Variants in PDE8B observed in about 807,000 individuals in gnomAD.
PDE8B encodes the protein phosphodiesterase 8B, also known as high affinity cAMP-specific and IBMX-insensitive 3',5'-cyclic phosphodiesterase 8B.
A neutral mutation model predicts 101.3 loss-of-function variants in PDE8B; 26 were observed. The ratio of observed to expected loss-of-function variants is 0.26; its 90% CI spans 0.19 to 0.36. The LOEUF (loss-of-function observed/expected upper bound fraction) is 0.36, where lower values mean the gene tolerates loss of function less well. Ranked by LOEUF, PDE8B falls within the 10% of genes least tolerant of loss-of-function variation. PDE8B has a pLI of 1.00. For missense variants in PDE8B, 810 were observed against 1,163.1 expected (o/e 0.70, Z 4.42); for synonymous variants, 424 against 429.3 (o/e 0.99, Z 0.15).
chr5:77,424,161 A>G (rs1194402392), intron 20 of PDE8B, among the ~76,000 whole-genome samples: 2 of 152,168 alleles, frequency 1.3e-5, no homozygotes, highest in East Asian at 3.9e-4. Context: ...TGCTTGATCG[A>G]CTGACCTGAA....
chr5:77,133,033 C>G, the PDE8B span, among the ~76,000 whole-genome samples: 1 of 152,170 alleles, frequency 6.6e-6, no homozygotes, highest in African/African-American at 2.4e-5. Flanking sequence ...ATGACTTTTC[C>G]TCTTTGGAGA....
chr5:77,321,525 C>A (rs1775071057), intron 2 of PDE8B, among the ~76,000 whole-genome samples: 1 of 152,092 alleles, frequency 6.6e-6, no homozygotes, highest in Non-Finnish European at 1.5e-5. Flanking sequence ...TCCAAATTCC[C>A]AGAAACAGAA....
rs2151169026 is a variant in PDE8B, at chr5:77,419,619, G to A, written c.2130-148G>A. 3.5e-6 allele frequency: 3 copies of A among 855,922 alleles called. No homozygotes were observed. In the East Asian group the frequency reaches 7.8e-5, roughly 22 times the overall value. 53.0% of individuals were successfully genotyped at this position (855,922 alleles called of 1,614,324 possible). A position where few individuals can be genotyped will look rare whatever the true frequency, so the allele number is the denominator to read the frequency against. ...ATCTGCAAGTCTTGCTTACTGGGAG[G>A]ACGAGCTCTTCTTGTGATCTGCACA... On this transcript the variant is annotated intron_variant, in intron 18 of 21. Coordinates refer to ENST00000264917, the MANE Select transcript of PDE8B (RefSeq NM_003719.5).
chr5:77,181,154 T>C, the PDE8B span, among the ~76,000 whole-genome samples: 1 of 138,680 alleles, frequency 7.2e-6, no homozygotes, highest in Non-Finnish European at 1.5e-5. Flanking sequence ...GCTGGGTGAA[T>C]AGACGGAGCG....
the PDE8B span, among the ~76,000 whole-genome samples, chr5:77,184,673 C>A: frequency 6.6e-6 from 1 of 152,034 alleles, no homozygotes; most frequent in East Asian, 1.9e-4. Context: ...ACCCTGAAAC[C>A]TCAGTAGCTT....
the PDE8B span, among the ~76,000 whole-genome samples, chr5:77,101,671 G>C: frequency 6.6e-6 from 1 of 152,074 alleles, no homozygotes. Flanking sequence ...AATGATCTCG[G>C]TGGCAGGAAT....
the PDE8B span, chr5:77,145,013 T>C: frequency 3.9e-5 from 6 of 152,128 alleles, no homozygotes. Context: ...AACTTATGCA[T>C]TTAACAAATG....
upstream of PDE8B, among the ~76,000 whole-genome samples, chr5:77,209,708 C>G (rs1580319051): frequency 6.6e-6 from 1 of 152,266 alleles, no homozygotes; most frequent in South Asian, 2.1e-4. Context: ...CTGCCCAGCC[C>G]AGAGTGTGAG....
intron 4 of PDE8B, 43 bp downstream of exon 4, chr5:77,329,100 T>C (rs1415026040): frequency 6.7e-7 from 1 of 1,486,432 alleles, no homozygotes; most frequent in Non-Finnish European, 9.4e-7. Context: ...GTACTGTTCA[T>C]TCTGAAATAT....
At chr5:77,110,808 A>G in the PDE8B span, among the ~76,000 whole-genome samples, 8 of 152,336 alleles carry the variant, frequency 5.3e-5, no homozygotes, top group African/African-American at 1.9e-4. Flanking sequence ...CCACTAGGCC[A>G]TTGATGCATC....
At chr5:77,405,148 C>T (rs1240284568) in intron 12 of PDE8B, among the ~76,000 whole-genome samples, 3 of 152,212 alleles carry the variant, frequency 2.0e-5, no homozygotes, top group African/African-American at 7.2e-5. Flanking sequence ...CAACTCCCAA[C>T]ACAAACCTAG....
the PDE8B span, among the ~76,000 whole-genome samples, chr5:77,182,755 GCTT>G: frequency 4.3e-5 from 6 of 139,182 alleles, no homozygotes; most frequent in South Asian, 2.4e-4. Context: ...GATAAGCACT[GCTT>G]TTTTTTTTTT....
intron 16 of PDE8B, 33 bp downstream of exon 16, chr5:77,412,268 G>A: frequency 6.2e-7 from 1 of 1,610,604 alleles, no homozygotes; most frequent in Non-Finnish European, 8.5e-7. Flanking sequence ...GGCAGAGCAG[G>A]ATTGATGGCC....
At chr5:77,189,042 T>A in the PDE8B span, among the ~76,000 whole-genome samples, 1 of 152,156 alleles carries the variant, frequency 6.6e-6, no homozygotes, top group Non-Finnish European at 1.5e-5. Context: ...TCTGCCTTTC[T>A]AGGGATTTGC....
At chr5:77,240,389 G>C (rs1016098820) in intron 1 of PDE8B, among the ~76,000 whole-genome samples, 1 of 152,134 alleles carries the variant, frequency 6.6e-6, no homozygotes, top group Non-Finnish European at 1.5e-5. Flanking sequence ...TCCTGACCTC[G>C]TGATCCGCCC....
chr5:77,286,353 C>T (rs558812686), intron 1 of PDE8B, among the ~76,000 whole-genome samples: 2 of 152,286 alleles, frequency 1.3e-5, no homozygotes, highest in South Asian at 2.1e-4. Context: ...GTTCCCTCCT[C>T]ATTCTCTAGT....
chr5:77,342,757 A>G (rs1243949471), intron 6 of PDE8B, among the ~76,000 whole-genome samples: 1 of 152,196 alleles, frequency 6.6e-6, no homozygotes, highest in Admixed American at 6.5e-5. Flanking sequence ...TTCCAGAAAT[A>G]TAGGGAAGGT....
intron 1 of PDE8B, among the ~76,000 whole-genome samples, chr5:77,278,445 T>C (rs1764259128): frequency 6.6e-6 from 1 of 152,170 alleles, no homozygotes; most frequent in Non-Finnish European, 1.5e-5. Context: ...AGAACAAGAC[T>C]CCATGTTATT....
intron 1 of PDE8B, among the ~76,000 whole-genome samples, chr5:77,282,322 G>A (rs897143333): frequency 6.6e-6 from 1 of 151,934 alleles, no homozygotes; most frequent in Non-Finnish European, 1.5e-5. Context: ...CTCCCAGCAG[G>A]ATAAGTGCAG....
Sources: allele counts gnomAD v4.1 joint callset (sites outside exome capture counted in the v4.1 genomes callset), GRCh38; gene constraint gnomAD v4.1.1; transcripts MANE v1.5; gene names NCBI Gene and HGNC (gene_info 2026-07-23, HGNC 2026-07-21).